The following MDGA2 variants were observed in gnomAD, a reference collection of about 807,000 sequenced individuals.
MDGA2 encodes MAM domain containing glycosylphosphatidylinositol anchor 2, also known as MAM domain-containing glycosylphosphatidylinositol anchor protein 2.
In MDGA2, 40 loss-of-function variants were observed where a neutral mutation model predicts 117.8. The ratio of observed to expected loss-of-function variants is 0.34; its 90% CI spans 0.26 to 0.44. The LOEUF is 0.44. Ranked by LOEUF, MDGA2 falls within the 20% of genes least tolerant of loss-of-function variation. MDGA2 has a pLI of 1.00. For missense variants in MDGA2, 1,123 were observed against 1,250.6 expected, an observed-to-expected ratio of 0.90 and a Z score of 1.54; for synonymous variants, 452 against 439.0, an observed-to-expected ratio of 1.03 and a Z score of -0.37.
At chr14:46,919,856 C>T (rs925685120) in intron 10 of MDGA2, among the ~76,000 whole-genome samples, 156 bp downstream of exon 10, 4 of 151,598 alleles carry the variant, frequency 2.6e-5, no homozygotes, top group African/African-American at 4.9e-5. Context: ...GAGTAATATA[C>T]ATAGGGTGAA....
intron 1 of MDGA2, among the ~76,000 whole-genome samples, chr14:47,404,066 C>T (rs1490311923): frequency 2.0e-5 from 3 of 152,086 alleles, no homozygotes; most frequent in African/African-American, 7.2e-5. Flanking sequence ...TCCTGTGTCA[C>T]GTAAAATTTA....
chr14:47,508,511 AGAAAGGTTATTT>A (rs1392176058), intron 1 of MDGA2, among the ~76,000 whole-genome samples: 1 of 152,192 alleles, frequency 6.6e-6, no homozygotes, highest in Non-Finnish European at 1.5e-5. Context: ...CGTATAAGTA[AGAAAGGTTATTT>A]GTTGCTGTTG....
In MDGA2 at chr14:47,442,153, G is replaced by T. The variant is rs572837051; in HGVS notation, c.281-140603C>A. ...AATATAATTGATAATAGAGGCAATG[G>T]AGAGGATACTTTGAGTTCTTGTTTT... On this transcript the variant is annotated intron_variant, in intron 1 of 16. Transcript: ENST00000399232. 7.2e-5 allele frequency among the ~76,000 whole-genome samples: 11 copies of T among 152,230 alleles called. No individual in the cohort carries two copies. The South Asian group carries it at 2.3e-3, about 32-fold the overall frequency.
Position 47,119,178 on chromosome 14 carries a change from C to A in MDGA2, c.925+12536G>T, listed in dbSNP as rs771109000. 9.7e-5 allele frequency among the ~76,000 whole-genome samples: 6 copies of A among 61,756 alleles called. 1 individual carries two copies. Among genetic ancestry groups the A allele is most frequent in the African/African-American group, 2.7e-4 (6 of 22,238 alleles). 40.5% of individuals were successfully genotyped at this position (61,756 alleles called of 152,430 possible). ...CCATTCTCCTGCCTCAGCCCCGCCC[C>A]CCCCCCCCCACCCCGTAGCTGGGAC... On this transcript the variant is annotated intron_variant, in intron 5 of 16. Coordinates refer to ENST00000399232, the MANE Select transcript of MDGA2 (RefSeq NM_001113498.3).
chr14:47,122,542 T>C (rs1308382779), intron 5 of MDGA2, among the ~76,000 whole-genome samples: 1 of 152,110 alleles, frequency 6.6e-6, no homozygotes, highest in Non-Finnish European at 1.5e-5. Flanking sequence ...ATAAGTAATA[T>C]GACTGGCCAC....
intron 1 of MDGA2, among the ~76,000 whole-genome samples, chr14:47,426,146 G>A (rs1892684177): frequency 6.6e-6 from 1 of 151,974 alleles, no homozygotes; most frequent in Non-Finnish European, 1.5e-5. Flanking sequence ...TTTTGGCGGG[G>A]ATACATTCTT....
chr14:47,614,737 T>C (rs1896918723), intron 1 of MDGA2, among the ~76,000 whole-genome samples: 1 of 152,222 alleles, frequency 6.6e-6, no homozygotes, highest in Admixed American at 6.5e-5. Context: ...TAGCAATTTG[T>C]ATGCATCTCA....
chr14:47,252,313 A>T (rs1887474180), intron 2 of MDGA2, among the ~76,000 whole-genome samples: 1 of 152,128 alleles, frequency 6.6e-6, no homozygotes, highest in Non-Finnish European at 1.5e-5. Flanking sequence ...ATTCAGGCAA[A>T]CCACTTTCAG....
At chr14:47,377,020 C>A (rs1237388432) in intron 1 of MDGA2, among the ~76,000 whole-genome samples, 1 of 151,836 alleles carries the variant, frequency 6.6e-6, no homozygotes, top group African/African-American at 2.4e-5. Context: ...TTGAAGTAGG[C>A]AAGTTTTAGA....
At chr14:47,213,078 T>C (rs1566683492) in intron 3 of MDGA2, among the ~76,000 whole-genome samples, 1 of 152,192 alleles carries the variant, frequency 6.6e-6, no homozygotes, top group Non-Finnish European at 1.5e-5. Context: ...TGTTTACTTC[T>C]TAGTTTTGGA....
intron 2 of MDGA2, among the ~76,000 whole-genome samples, chr14:47,266,814 T>C (rs1432134309): frequency 6.6e-6 from 1 of 152,180 alleles, no homozygotes; most frequent in Non-Finnish European, 1.5e-5. Context: ...ATTTGATTAA[T>C]TATTCAACTT....
intron 2 of MDGA2, among the ~76,000 whole-genome samples, chr14:47,241,690 T>C (rs1356033203): frequency 6.6e-6 from 1 of 151,908 alleles, no homozygotes; most frequent in Non-Finnish European, 1.5e-5. Context: ...TCCCAACTCT[T>C]TTCCTCTGAC....
At chr14:47,212,748 C>T (rs888713125) in intron 3 of MDGA2, among the ~76,000 whole-genome samples, 5 of 152,214 alleles carry the variant, frequency 3.3e-5, no homozygotes, top group Middle Eastern at 3.4e-3. Context: ...CGATCTTTAC[C>T]GCGGAACCTT....
intron 1 of MDGA2, among the ~76,000 whole-genome samples, chr14:47,630,592 T>C (rs1186268168): frequency 6.6e-6 from 1 of 152,152 alleles, no homozygotes; most frequent in East Asian, 1.9e-4. Context: ...ATACTTTCAG[T>C]TGTCTAAATA....
At chr14:47,201,054 G>A (rs527454748) in intron 3 of MDGA2, 10 of 1,139,704 alleles carry the variant, frequency 8.8e-6, no homozygotes, top group Non-Finnish European at 1.1e-5. Flanking sequence ...CCGCCAGGCG[G>A]CCCAGGAGAT....
At chr14:46,958,748 G>A (rs756268099) in intron 8 of MDGA2, among the ~76,000 whole-genome samples, 3 of 152,178 alleles carry the variant, frequency 2.0e-5, no homozygotes, top group Non-Finnish European at 2.9e-5. Context: ...CCAAACATAT[G>A]GGTAATGTTT....
intron 1 of MDGA2, among the ~76,000 whole-genome samples, chr14:47,364,706 T>C (rs1891195408): frequency 6.6e-6 from 1 of 152,246 alleles, no homozygotes; most frequent in South Asian, 2.1e-4. Context: ...TGGTATATGT[T>C]TAAACAACAA....
intron 7 of MDGA2, among the ~76,000 whole-genome samples, chr14:47,045,590 G>T (rs912971275): frequency 2.6e-5 from 4 of 152,064 alleles, no homozygotes; most frequent in Admixed American, 6.6e-5. Flanking sequence ...TGTCAAAATT[G>T]TAGTAAGCAA....
chr14:47,152,048 T>A (rs1462920203), intron 3 of MDGA2, among the ~76,000 whole-genome samples: 3 of 152,098 alleles, frequency 2.0e-5, no homozygotes, highest in Admixed American at 2.0e-4. Flanking sequence ...TTCTTGAAAC[T>A]TTTTTTGGCT....
Sources: gnomAD v4.1 joint callset for allele counts (sites outside exome capture counted in the v4.1 genomes callset) on GRCh38, gnomAD v4.1.1 for gene constraint, MANE v1.5 for transcripts, NCBI Gene and HGNC (gene_info 2026-07-23, HGNC 2026-07-21) for gene names.